Variants in NALF1 observed in about 807,000 individuals in gnomAD.
NALF1 encodes family with sequence similarity 155 member A.
NALF1 carries 3 observed loss-of-function variants against 48.4 expected under a neutral mutation model. That is an observed-to-expected ratio of 0.06 (90% CI 0.03 to 0.16). The LOEUF (loss-of-function observed/expected upper bound fraction) is 0.16, where lower values mean the gene tolerates loss of function less well. Ranked by LOEUF, NALF1 falls within the 10% of genes least tolerant of loss-of-function variation. NALF1 has a pLI of 1.00. For synonymous variants in NALF1, 262 were observed against 245.7 expected (o/e 1.07, Z -0.62); for missense variants, 526 against 571.5 (o/e 0.92, Z 0.81).
chr13:107,632,400 T>A (rs1257777752), intron 1 of NALF1, among the ~76,000 whole-genome samples: 1 of 152,166 alleles, frequency 6.6e-6, no homozygotes, highest in Non-Finnish European at 1.5e-5. Flanking sequence ...GGCTGATATC[T>A]GCAGAGAAGC....
intron 1 of NALF1, among the ~76,000 whole-genome samples, chr13:107,579,316 C>G (rs117304860): frequency 0.081 from 12,279 of 152,266 alleles, 793 homozygotes; most frequent in Admixed American, 0.15. Flanking sequence ...GTCTTGAACT[C>G]CTGACCACAG....
intron 1 of NALF1, among the ~76,000 whole-genome samples, chr13:107,661,985 A>T (rs1880744777): frequency 6.6e-6 from 1 of 152,196 alleles, no homozygotes. Flanking sequence ...TGAGGATGTT[A>T]TTAACACTTA....
In NALF1 at chr13:107,710,775, A is replaced by G. The variant is rs969637193; in HGVS notation, c.915+154907T>C. ...TATATACATATATGTATACACACAT[A>G]TGTGTGTATATACACATATATGTAT... On this transcript the variant is annotated intron_variant, in intron 1 of 2. Coordinates refer to ENST00000375915, the MANE Select transcript of NALF1 (RefSeq NM_001080396.3). Among the ~76,000 whole-genome samples, 135 of 45,886 alleles carry G rather than the reference A, an allele frequency of 2.9e-3. 1 individual carries two copies. Among genetic ancestry groups the G allele is most frequent in the Non-Finnish European group, 6.1e-3 (111 of 18,298 alleles). 30.1% of individuals were successfully genotyped at this position (45,886 alleles called of 152,430 possible).
At chr13:107,335,476 G>A (rs1594125327) in intron 1 of NALF1, among the ~76,000 whole-genome samples, 1 of 152,268 alleles carries the variant, frequency 6.6e-6, no homozygotes, top group African/African-American at 2.4e-5. Flanking sequence ...AAATCCCACA[G>A]AGAAATGACC....
Position 107,554,632 on chromosome 13 carries a change from C to T in NALF1, c.915+311050G>A, listed in dbSNP as rs1312707068. ...GGAGTTGCCAAAGCAGGCCCTGGCCCCCATCAGATTGGATGTATTATTTAC... is the reference window on the plus strand; with the variant it reads ...GGAGTTGCCAAAGCAGGCCCTGGCCTCCATCAGATTGGATGTATTATTTAC... On this transcript the variant is annotated intron_variant, in intron 1 of 2. Transcript: ENST00000375915. 2.6e-5 allele frequency among the ~76,000 whole-genome samples: 4 copies of T among 152,170 alleles called. No homozygotes were observed. The South Asian group carries it at 6.2e-4, about 24-fold the overall frequency.
chr13:107,615,013 G>A (rs1247542227), intron 1 of NALF1, among the ~76,000 whole-genome samples: 3 of 151,872 alleles, frequency 2.0e-5, no homozygotes, highest in African/African-American at 7.3e-5. Context: ...CTGAGCTCAG[G>A]TGACCCACCT....
intron 1 of NALF1, among the ~76,000 whole-genome samples, chr13:107,481,802 A>G (rs1048591461): frequency 6.6e-6 from 1 of 152,128 alleles, no homozygotes; most frequent in African/African-American, 2.4e-5. Flanking sequence ...GAGGACAGGA[A>G]GTTTTTGAGA....
rs578157851 is a variant in NALF1, at chr13:107,558,534, T to C, written c.915+307148A>G. On this transcript the variant is annotated intron_variant, in intron 1 of 2. Transcript: ENST00000375915. ...GCAACCGTGGTTGCCTATGCTTGTTTTCACAGAATATAACTAAATCACTCC... is the reference window on the plus strand; with the variant it reads ...GCAACCGTGGTTGCCTATGCTTGTTCTCACAGAATATAACTAAATCACTCC... Among the ~76,000 whole-genome samples, 387 of 152,332 alleles carry C rather than the reference T, an allele frequency of 2.5e-3. 2 individuals carry two copies. Among genetic ancestry groups the C allele is most frequent in the African/African-American group, 9.1e-3 (378 of 41,582 alleles).
chr13:107,338,990 C>T (rs956440834), intron 1 of NALF1, among the ~76,000 whole-genome samples: 6 of 151,826 alleles, frequency 4.0e-5, no homozygotes, highest in Admixed American at 1.3e-4. Context: ...AAAAATTAGC[C>T]GGGCGTGGTG....
intron 1 of NALF1, among the ~76,000 whole-genome samples, chr13:107,785,028 G>A (rs1292774189): frequency 2.0e-5 from 3 of 151,656 alleles, no homozygotes; most frequent in South Asian, 2.1e-4. Flanking sequence ...ATCAATCAAC[G>A]AGTGGATAAA....
chr13:107,206,384 T>A (rs1174708237), intron 2 of NALF1, among the ~76,000 whole-genome samples: 1 of 152,200 alleles, frequency 6.6e-6, no homozygotes, highest in Non-Finnish European at 1.5e-5. Flanking sequence ...GTAATGGACA[T>A]GCATTCTCAG....
At chr13:107,678,005 A>C (rs1881176632) in intron 1 of NALF1, among the ~76,000 whole-genome samples, 1 of 152,184 alleles carries the variant, frequency 6.6e-6, no homozygotes. Flanking sequence ...CTTCTATATA[A>C]AGCCATGGCC....
At position 107,756,435 on chromosome 13, in the gene NALF1, CTATA is replaced by C. The variant is rs148971349; in HGVS notation, c.915+109243_915+109246del. ...ACTAAATATTAAATAAGTTTAATGG[CTATA>C]TATATATATATATATAAAGCATAAA... On this transcript the variant is annotated intron_variant, in intron 1 of 2. Transcript: ENST00000375915. Among the ~76,000 whole-genome samples the C allele has an allele frequency of 3.7e-3, 525 of 141,078 alleles. 8 individuals carry two copies. The highest frequency in any genetic ancestry group is 0.012 in the African/African-American group (463 of 37,164). The allele number at this position is 141,078 out of a possible 152,430, so 92.6% of individuals were successfully genotyped here.
intron 1 of NALF1, among the ~76,000 whole-genome samples, chr13:107,631,517 T>C (rs759252038): frequency 2.6e-5 from 4 of 152,192 alleles, no homozygotes; most frequent in African/African-American, 9.7e-5. Flanking sequence ...TTGGTAAACA[T>C]AGCAGAAACA....
At chr13:107,363,037 A>C (rs567901920) in intron 1 of NALF1, among the ~76,000 whole-genome samples, 1 of 152,298 alleles carries the variant, frequency 6.6e-6, no homozygotes, top group South Asian at 2.1e-4. Flanking sequence ...AGAACACATA[A>C]ACAATGCCTG....
At chr13:107,653,394 CT>C (rs1402901132) in intron 1 of NALF1, among the ~76,000 whole-genome samples, 1 of 151,984 alleles carries the variant, frequency 6.6e-6, no homozygotes, top group Non-Finnish European at 1.5e-5. Context: ...TATCTGCCTA[CT>C]TTTACACTGA....
intron 1 of NALF1, among the ~76,000 whole-genome samples, chr13:107,412,008 T>C (rs1253175641): frequency 6.6e-6 from 1 of 152,060 alleles, no homozygotes; most frequent in Admixed American, 6.6e-5. Flanking sequence ...TGAGAAAAAA[T>C]GAAACCCACT....
chr13:107,795,614 C>T (rs1878397915), intron 1 of NALF1, among the ~76,000 whole-genome samples: 1 of 152,086 alleles, frequency 6.6e-6, no homozygotes, highest in Admixed American at 6.5e-5. Context: ...TGCAGGATCT[C>T]CAGGTATTCC....
intron 1 of NALF1, among the ~76,000 whole-genome samples, chr13:107,550,611 A>G (rs1318790076): frequency 6.6e-6 from 1 of 152,100 alleles, no homozygotes; most frequent in Non-Finnish European, 1.5e-5. Context: ...CCTTCATTGT[A>G]GCACTTCTTG....
Sources: gnomAD v4.1 joint callset for allele counts (sites outside exome capture counted in the v4.1 genomes callset) on GRCh38, gnomAD v4.1.1 for gene constraint, MANE v1.5 for transcripts, NCBI Gene and HGNC (gene_info 2026-07-23, HGNC 2026-07-21) for gene names.